Variants in GRIN2B observed in about 807,000 individuals in gnomAD.
GRIN2B encodes glutamate receptor ionotropic, NMDA 2B.
A neutral mutation model predicts 114.5 loss-of-function variants in GRIN2B; 5 were observed. That is an observed-to-expected ratio of 0.04 (90% CI 0.02 to 0.09). GRIN2B has a LOEUF of 0.09. GRIN2B is among the 10% of genes least tolerant of loss of function. The pLI, the probability that GRIN2B is intolerant of heterozygous loss-of-function variation, is 1.00. For missense variants in GRIN2B, 1,108 were observed against 1,943.5 expected (o/e 0.57, Z 8.08); for synonymous variants, 787 against 745.1 (o/e 1.06, Z -0.92).
intron 2 of GRIN2B, among the ~76,000 whole-genome samples, chr12:13,933,144 T>C (rs745700947): frequency 1.4e-4 from 22 of 152,206 alleles, no homozygotes; most frequent in Non-Finnish European, 2.8e-4. Flanking sequence ...CAGCTGTTGC[T>C]AGTCTCCAGC....
At chr12:13,669,039 G>A (rs1950001166) in intron 5 of GRIN2B, among the ~76,000 whole-genome samples, 1 of 150,748 alleles carries the variant, frequency 6.6e-6, no homozygotes, top group South Asian at 2.1e-4. Flanking sequence ...GGGGAGATAG[G>A]GAGGATAAGC....
At chr12:13,674,597 T>G (rs554484804) in intron 5 of GRIN2B, among the ~76,000 whole-genome samples, 2 of 152,242 alleles carry the variant, frequency 1.3e-5, no homozygotes, top group East Asian at 3.9e-4. Flanking sequence ...ATCTCTGGCC[T>G]CATTTTCTGG....
At chr12:13,569,193 A>T (rs554298030) in intron 12 of GRIN2B, among the ~76,000 whole-genome samples, 1 of 152,300 alleles carries the variant, frequency 6.6e-6, no homozygotes, top group African/African-American at 2.4e-5. Context: ...TCTCCCTGCC[A>T]TCTTTCAGCT....
chr12:13,660,116 C>A (rs970810963), intron 5 of GRIN2B, among the ~76,000 whole-genome samples: 10 of 152,118 alleles, frequency 6.6e-5, no homozygotes, highest in Non-Finnish European at 1.3e-4. Flanking sequence ...GAGAGGGCCC[C>A]AATACAGAAG....
intron 2 of GRIN2B, among the ~76,000 whole-genome samples, chr12:13,953,086 A>AC (rs1946583724): frequency 6.6e-6 from 1 of 151,792 alleles, no homozygotes; most frequent in Admixed American, 6.6e-5. Context: ...ATCATCTGAA[A>AC]CTTCTCAACT....
rs533957593 is a variant in GRIN2B, at chr12:13,924,602, C to T, written c.-19+55326G>A. ...CTGCTCTCTCCTGGCCAATGCTAAC[C>T]AGATCCTTAGGAAATCCACTGATCC... On this transcript the variant is annotated intron_variant, in intron 2 of 13. Transcript: ENST00000609686. Among the ~76,000 whole-genome samples, 21 of 152,308 alleles carry T rather than the reference C, an allele frequency of 1.4e-4. No homozygotes were observed. The East Asian group carries it at 3.3e-3, about 24-fold the overall frequency.
chr12:13,948,535 T>C (rs948980769), intron 2 of GRIN2B, among the ~76,000 whole-genome samples: 2 of 152,148 alleles, frequency 1.3e-5, no homozygotes, highest in Non-Finnish European at 2.9e-5. Context: ...GGTTCTGCTC[T>C]GATGCCAAAG....
intron 3 of GRIN2B, among the ~76,000 whole-genome samples, chr12:13,822,097 C>A (rs1314968418): frequency 6.6e-6 from 1 of 152,044 alleles, no homozygotes; most frequent in Non-Finnish European, 1.5e-5. Flanking sequence ...ATAAGTATTC[C>A]TTAAAGGGCT....
chr12:13,640,050 C>T (rs1308795896), intron 5 of GRIN2B, among the ~76,000 whole-genome samples: 1 of 152,074 alleles, frequency 6.6e-6, no homozygotes. Context: ...CTATTCTGCA[C>T]TTCCTTGAGG....
At chr12:13,603,421 G>A (rs949924331) in intron 10 of GRIN2B, among the ~76,000 whole-genome samples, 1 of 152,000 alleles carries the variant, frequency 6.6e-6, no homozygotes, top group African/African-American at 2.4e-5. Flanking sequence ...CTGTTCAGGG[G>A]CTATAGTGAG....
At chr12:13,648,239 G>A (rs1032588440) in intron 5 of GRIN2B, among the ~76,000 whole-genome samples, 1 of 152,048 alleles carries the variant, frequency 6.6e-6, no homozygotes, top group Non-Finnish European at 1.5e-5. Flanking sequence ...AAGCTCAACG[G>A]ACAGTTGAGA....
chr12:13,579,793 C>T (rs1035661101), intron 10 of GRIN2B, among the ~76,000 whole-genome samples: 2 of 151,848 alleles, frequency 1.3e-5, no homozygotes, highest in Non-Finnish European at 2.9e-5. Context: ...GACGCATTGT[C>T]AGATATTTCC....
At chr12:13,610,415 C>T (rs1949353566) in intron 9 of GRIN2B, among the ~76,000 whole-genome samples, 2 of 152,150 alleles carry the variant, frequency 1.3e-5, no homozygotes, top group South Asian at 4.1e-4. Context: ...CTGACTTTAG[C>T]TCTTGACATT....
intron 2 of GRIN2B, among the ~76,000 whole-genome samples, chr12:13,945,517 A>T (rs563087730): frequency 8.5e-5 from 13 of 152,178 alleles, no homozygotes; most frequent in Non-Finnish European, 1.8e-4. Flanking sequence ...CAGAACAGTG[A>T]TAAGTTCCTG....
At chr12:13,801,881 A>G (rs1315627716) in intron 3 of GRIN2B, among the ~76,000 whole-genome samples, 1 of 151,954 alleles carries the variant, frequency 6.6e-6, no homozygotes, top group East Asian at 1.9e-4. Flanking sequence ...AGCTCTATAC[A>G]CTTGGTTTAG....
rs753613072 is a variant in GRIN2B, at chr12:13,564,249, C to A, written c.2989G>T (p.Ala997Ser). Residue 997 changes from alanine (A) to serine (S), a missense_variant, in exon 14 of 14, where the codon GCC (alanine) becomes TCC (serine). Physicochemically the swap from Ala to Ser is moderately conservative, Grantham distance 99 (BLOSUM62 1). Around this residue, in one of 19 missense-constraint regions of GRIN2B, gnomAD observed 140 missense variants for 187.5 expected, o/e 0.75. Coordinates refer to ENST00000609686, the MANE Select transcript of GRIN2B (RefSeq NM_000834.5). The surrounding 1 kb of genome is among the most constrained non-coding windows in gnomAD (Gnocchi z 4.8). ...TCGTAGAGCCCATCGATGGAGCTGGCACTGCCAATACTATGGGGCCGGTGG... is the reference window on the plus strand; with the variant it reads ...TCGTAGAGCCCATCGATGGAGCTGGAACTGCCAATACTATGGGGCCGGTGG... The part of the protein sequence containing the change: ...HHHRPHSIGS[A>S]SSIDGLYDCD... 6.2e-7 allele frequency: 1 copy of A among 1,614,180 alleles called. No individual in the cohort carries two copies. The highest frequency in any genetic ancestry group is 1.1e-5 in the South Asian group (1 of 91,084).
intron 2 of GRIN2B, among the ~76,000 whole-genome samples, chr12:13,962,720 G>A (rs571760779): frequency 3.3e-5 from 5 of 152,284 alleles, no homozygotes; most frequent in South Asian, 2.1e-4. Context: ...GCTGGCAGGC[G>A]GGCGGGCGGG....
chr12:13,908,328 T>C lies in GRIN2B; in HGVS notation c.-18-42102A>G, dbSNP rs146123289. ...AAACATGTATACTATCTTGAGACAA[T>C]TGAGACTGTTAATAGTTGCCAGCAT... On this transcript the variant is annotated intron_variant, in intron 2 of 13. Transcript: ENST00000609686. Among the ~76,000 whole-genome samples, 636 of 152,186 alleles carry C rather than the reference T, an allele frequency of 4.2e-3. 3 individuals carry two copies. Among genetic ancestry groups the C allele is most frequent in the South Asian group, 7.7e-3 (37 of 4,814 alleles).
chr12:13,588,284 C>A (rs963539930), intron 10 of GRIN2B, among the ~76,000 whole-genome samples: 3 of 152,158 alleles, frequency 2.0e-5, no homozygotes, highest in Non-Finnish European at 2.9e-5. Flanking sequence ...GTTTCTCTTT[C>A]AAATAAGAGG....
Sources: gnomAD v4.1 joint callset for allele counts (sites outside exome capture counted in the v4.1 genomes callset) on GRCh38, gnomAD v4.1.1 for gene constraint, gnomAD v4.1.1 regional missense constraint, Gnocchi (gnomAD v3.1) non-coding constraint, MANE v1.5 for transcripts, NCBI Gene and HGNC (gene_info 2026-07-23, HGNC 2026-07-21) for gene names.